Variants in RHOT1 observed in about 807,000 individuals in gnomAD.
RHOT1 encodes the protein ras homolog family member T1.
A neutral mutation model predicts 95.3 loss-of-function variants in RHOT1; 27 were observed. That is an observed-to-expected ratio of 0.28 (90% CI 0.21 to 0.39). The LOEUF (loss-of-function observed/expected upper bound fraction) is 0.39, where lower values mean the gene tolerates loss of function less well. RHOT1 is among the 10% of genes least tolerant of loss of function. The probability of loss-of-function intolerance (pLI) is 1.00; values close to 1 mark genes in which losing one functional copy is unlikely to be tolerated. For missense variants in RHOT1, 578 were observed against 786.7 expected, an observed-to-expected ratio of 0.73 and a Z score of 3.17; for synonymous variants, 227 against 263.5, an observed-to-expected ratio of 0.86 and a Z score of 1.34.
At chr17:32,143,172 T>G in intron 1 of RHOT1, 1 of 489,836 alleles carries the variant, frequency 2.0e-6, no homozygotes. Flanking sequence ...ATAAGCAGAC[T>G]GACCAATAGG....
chr17:32,151,387 G>A (rs2032268922), intron 1 of RHOT1: 1 of 625,568 alleles, frequency 1.6e-6, no homozygotes, highest in Non-Finnish European at 2.9e-6. Flanking sequence ...ACTCCAGTTT[G>A]GATGACAGAG....
chr17:32,153,841 A>G (rs1489872965), intron 1 of RHOT1, among the ~76,000 whole-genome samples: 2 of 152,180 alleles, frequency 1.3e-5, no homozygotes, highest in Non-Finnish European at 2.9e-5. Flanking sequence ...GTATCCTTTA[A>G]AAGGCCTTGC....
chr17:32,192,666 T>C (rs1343343309), intron 9 of RHOT1, among the ~76,000 whole-genome samples: 1 of 145,532 alleles, frequency 6.9e-6, no homozygotes, highest in Non-Finnish European at 1.5e-5. Flanking sequence ...ATGTTTTACT[T>C]TTTTTTTTTT....
At chr17:32,203,269 C>CTTCTT (rs1485362280) in intron 15 of RHOT1, among the ~76,000 whole-genome samples, 46 of 72,342 alleles carry the variant, frequency 6.4e-4, no homozygotes, top group African/African-American at 2.6e-3. Context: ...TCTTCTTCTT[C>CTTCTT]TTTTTTTTTT....
intron 19 of RHOT1, among the ~76,000 whole-genome samples, chr17:32,224,000 T>G (rs1173022356): frequency 6.6e-6 from 1 of 152,226 alleles, no homozygotes; most frequent in African/African-American, 2.4e-5. Flanking sequence ...TCACTGCCTG[T>G]CTAACACCAG....
intron 11 of RHOT1, among the ~76,000 whole-genome samples, chr17:32,198,288 A>G (rs2037052916): frequency 6.6e-6 from 1 of 152,202 alleles, no homozygotes; most frequent in African/African-American, 2.4e-5. Context: ...ATCATTTTCA[A>G]CTCATTACAA....
intron 18 of RHOT1, chr17:32,209,288 A>G: frequency 1.1e-6 from 1 of 886,474 alleles, no homozygotes; most frequent in Non-Finnish European, 1.7e-6. Context: ...TTATTATAGA[A>G]TAACCAAAAC....
At chr17:32,171,585 T>C (rs1453918525) in intron 2 of RHOT1, among the ~76,000 whole-genome samples, 1 of 152,228 alleles carries the variant, frequency 6.6e-6, no homozygotes, top group Non-Finnish European at 1.5e-5. Context: ...ATAAATGTCA[T>C]ATAAGCTCTG....
chr17:32,150,484 G>T (rs1478417168), intron 1 of RHOT1: 9 of 1,107,102 alleles, frequency 8.1e-6, no homozygotes, highest in Non-Finnish European at 1.2e-5. Flanking sequence ...CAGGCTGTCT[G>T]TTAGACTGTA....
intron 1 of RHOT1, chr17:32,142,964 C>T: frequency 1.4e-6 from 1 of 715,186 alleles, no homozygotes; most frequent in Admixed American, 2.0e-5. Context: ...CCAGAGATCT[C>T]CTTTCCCTGT....
chr17:32,206,914 A>C lies in RHOT1; in HGVS notation c.1421A>C (p.His474Pro). The change falls in exon 17 of 20, where the codon CAT (histidine) becomes CCT (proline). Residue 474 changes from histidine (H) to proline (P), a missense_variant. His to Pro is a moderately conservative substitution (Grantham distance 77, BLOSUM62 -2). Transcript: ENST00000545287. ...ATTATCTTTTTCTTTTACAAGTTGC[A>C]TGATATCTCAGAATCGGAATTTCTA... ...VYGQEKYLLL[H>P]DISESEFLTE... 6.3e-7 allele frequency: 1 copy of C among 1,577,284 alleles called. No homozygotes were observed. Among genetic ancestry groups the C allele is most frequent in the South Asian group, 1.1e-5 (1 of 89,214 alleles).
chr17:32,198,819 A>G, intron 11 of RHOT1, 128 bp from the exon 12 acceptor site: 1 of 643,936 alleles, frequency 1.6e-6, no homozygotes, highest in Non-Finnish European at 2.7e-6. Flanking sequence ...GAAAGTCTAA[A>G]TGATACCAAG....
In RHOT1 at chr17:32,199,012, C is replaced by A; in HGVS notation, c.935C>A (p.Thr312Asn). 1 of 1,608,760 alleles carries A rather than the reference C, an allele frequency of 6.2e-7. No homozygotes were observed. The highest frequency in any genetic ancestry group is 8.5e-7 in the Non-Finnish European group (1 of 1,175,588). The change falls in exon 12 of 20, where the codon ACC becomes AAC. Residue 312 changes from threonine (T) to asparagine (N), a missense_variant. Thr to Asn is a moderately conservative substitution (Grantham distance 65). Around this residue, in one of 4 missense-constraint regions of RHOT1, gnomAD observed 227 missense variants for 316.0 expected, o/e 0.72. Coordinates refer to ENST00000545287, the MANE Select transcript of RHOT1 (RefSeq NM_001033566.3). ...CATGCATATTTATTTCTCCAAAGCA[C>A]CTTTGACAAGCATGATTTGGTAAGC... ...NHHAYLFLQS[T>N]FDKHDLDRDC...
chr17:32,202,829 T>A lies in RHOT1; in HGVS notation c.1261T>A (p.Cys421Ser), dbSNP rs771318228. Reference sequence around the variant, plus strand: ...ACAAACTCAAAGAAATGTGTTCAGATGTAATGTAATTGGAGTGAAAAACTG... The same window carrying A: ...ACAAACTCAAAGAAATGTGTTCAGAAGTAATGTAATTGGAGTGAAAAACTG... The part of the protein sequence containing the change: ...KKQTQRNVFR[C>S]NVIGVKNCGK... The change falls in exon 15 of 20, where the codon TGT (cysteine) becomes AGT (serine). Residue 421 changes from cysteine to serine, a missense_variant. Coordinates refer to ENST00000545287, the MANE Select transcript of RHOT1 (RefSeq NM_001033566.3). The A allele has an allele frequency of 3.7e-6, 6 of 1,611,878 alleles. No individual in the cohort carries two copies. The highest frequency in any genetic ancestry group is 5.1e-6 in the Non-Finnish European group (6 of 1,178,286).
chr17:32,182,976 A>G lies in RHOT1; in HGVS notation c.438+111A>G, dbSNP rs900298858. On this transcript the variant is annotated intron_variant, in intron 7 of 19. Coordinates refer to ENST00000545287, the MANE Select transcript of RHOT1 (RefSeq NM_001033566.3). Reference sequence around the variant, plus strand: ...GGAATAAATTTCCTGCTATTTGTGAAGTCACGTAAACCAAATAAAACAGAG... The same window carrying G: ...GGAATAAATTTCCTGCTATTTGTGAGGTCACGTAAACCAAATAAAACAGAG... 1.7e-5 allele frequency: 14 copies of G among 812,002 alleles called. No individual in the cohort carries two copies. In the South Asian group the frequency reaches 2.7e-4, roughly 15 times the overall value. 50.3% of individuals were successfully genotyped at this position (812,002 alleles called of 1,614,324 possible).
At chr17:32,202,742 TG>T in intron 14 of RHOT1, 27 bp from the exon 15 acceptor site, 1 of 1,513,108 alleles carries the variant, frequency 6.6e-7, no homozygotes, top group African/African-American at 1.4e-5. Context: ...ACATATTTAG[TG>T]GGGTTTTTTA....
intron 8 of RHOT1, among the ~76,000 whole-genome samples, chr17:32,185,960 A>G (rs764805076): frequency 6.6e-6 from 1 of 151,826 alleles, no homozygotes. Context: ...GGCTCAAGCA[A>G]TTCTCCCATC....
intron 19 of RHOT1, chr17:32,223,014 T>C (rs905749220): frequency 3.6e-6 from 1 of 280,272 alleles, no homozygotes; most frequent in African/African-American, 2.3e-5. Context: ...AAAAACTAAC[T>C]TGCAAGCTGG....
Position 32,142,633 on chromosome 17 carries a change from C to T in RHOT1, c.-60C>T, listed in dbSNP as rs2030513310. ...AGGTGGCGCCGTGGGGTGGGTGCTC[C>T]TGGTGAGAGGAGTCCACTCCGTGCG... On this transcript the variant is annotated 5_prime_UTR_variant, in exon 1 of 20. Coordinates refer to ENST00000545287, the MANE Select transcript of RHOT1 (RefSeq NM_001033566.3). 3 of 1,431,970 alleles carry T rather than the reference C, an allele frequency of 2.1e-6. No individual in the cohort carries two copies. Among genetic ancestry groups the T allele is most frequent in the African/African-American group, 1.5e-5 (1 of 67,112 alleles). The allele number at this position is 1,431,970 out of a possible 1,614,324, so 88.7% of individuals were successfully genotyped here. A position where few individuals can be genotyped will look rare whatever the true frequency, so the allele number is the denominator to read the frequency against.
Sources: gnomAD v4.1 joint callset for allele counts (sites outside exome capture counted in the v4.1 genomes callset) on GRCh38, gnomAD v4.1.1 for gene constraint, gnomAD v4.1.1 regional missense constraint, MANE v1.5 for transcripts, NCBI Gene and HGNC (gene_info 2026-07-23, HGNC 2026-07-21) for gene names.